The following DIAPH2 variants were observed in gnomAD, a reference collection of about 807,000 sequenced individuals.
The protein encoded by DIAPH2 is diaphanous related formin 2, also known as protein diaphanous homolog 2.
A neutral mutation model predicts 92.7 loss-of-function variants in DIAPH2; 35 were observed. That is an observed-to-expected ratio of 0.38 (90% CI 0.29 to 0.50). DIAPH2 has a LOEUF of 0.50. Ranked by LOEUF, DIAPH2 falls within the 20% of genes least tolerant of loss-of-function variation. DIAPH2 has a pLI of 0.94. For synonymous variants in DIAPH2, 301 were observed against 280.4 expected, an observed-to-expected ratio of 1.07 and a Z score of -0.73; for missense variants, 701 against 819.5, an observed-to-expected ratio of 0.86 and a Z score of 1.77.
In DIAPH2 at chrX:97,154,304, TC is replaced by T. The variant is rs774769482; in HGVS notation, c.2719+12512del. Among the ~76,000 whole-genome samples, 62 of 111,623 alleles carry T rather than the reference TC, an allele frequency of 5.6e-4. No individual in the cohort carries two copies. The South Asian group carries it at 0.022, about 39-fold the overall frequency. On this transcript the variant is annotated intron_variant, in intron 22 of 26. Coordinates refer to ENST00000324765, the MANE Select transcript of DIAPH2 (RefSeq NM_006729.5). Reference sequence around the variant, plus strand: ...AATAAGAGCGAATATTTTTTCTACTTCCGTGTCTCTTGTTCTTTCCACTATA... The same window carrying T: ...AATAAGAGCGAATATTTTTTCTACTTCGTGTCTCTTGTTCTTTCCACTATA...
At chrX:96,996,559 T>G (rs890557876) in intron 17 of DIAPH2, among the ~76,000 whole-genome samples, 1 of 111,801 alleles carries the variant, frequency 8.9e-6, no homozygotes, top group Admixed American at 9.5e-5. Context: ...TCACAATTGT[T>G]AAGAAATTGT....
intron 21 of DIAPH2, among the ~76,000 whole-genome samples, chrX:97,125,471 C>CAAA (rs1159049051): frequency 1.6e-4 from 3 of 19,198 alleles, no homozygotes; most frequent in Non-Finnish European, 3.9e-4. Flanking sequence ...GACTCCGTCT[C>CAAA]AAAAAAAAAA....
intron 22 of DIAPH2, among the ~76,000 whole-genome samples, chrX:97,230,202 A>T (rs1569335817): frequency 8.9e-6 from 1 of 111,876 alleles, no homozygotes; most frequent in Non-Finnish European, 1.9e-5. Context: ...AAATATTGAT[A>T]AGAAATCTTC....
intron 26 of DIAPH2, among the ~76,000 whole-genome samples, chrX:97,460,836 G>A (rs1052157646): frequency 8.9e-6 from 1 of 112,086 alleles, no homozygotes; most frequent in African/African-American, 3.2e-5. Flanking sequence ...GGTTATGATG[G>A]TAAGTAGAAG....
intron 4 of DIAPH2, among the ~76,000 whole-genome samples, chrX:96,789,960 C>T (rs1342199495): frequency 9.0e-6 from 1 of 110,792 alleles, no homozygotes; most frequent in Admixed American, 9.7e-5. Context: ...TAGTGCAGGA[C>T]CTAAGAAAGC....
chrX:97,407,810 A>T, intron 25 of DIAPH2, among the ~76,000 whole-genome samples: 1 of 112,088 alleles, frequency 8.9e-6, no homozygotes, highest in South Asian at 3.7e-4. Flanking sequence ...ATAAAATAGC[A>T]TATGATATAA....
At chrX:97,212,747 T>G (rs2147507150) in intron 22 of DIAPH2, among the ~76,000 whole-genome samples, 1 of 110,732 alleles carries the variant, frequency 9.0e-6, no homozygotes, top group East Asian at 2.8e-4. Flanking sequence ...TTATAACTTC[T>G]TGAGACATTA....
intron 23 of DIAPH2, among the ~76,000 whole-genome samples, chrX:97,313,014 T>G: frequency 9.1e-6 from 1 of 109,434 alleles, no homozygotes; most frequent in East Asian, 2.9e-4. Flanking sequence ...CTGTCTCTAC[T>G]AAAAATATAA....
intron 23 of DIAPH2, among the ~76,000 whole-genome samples, chrX:97,329,243 C>A (rs1475203412): frequency 1.8e-5 from 2 of 112,002 alleles, no homozygotes; most frequent in Non-Finnish European, 3.8e-5. Flanking sequence ...AACAGTCTAA[C>A]ATTTTGGCAC....
intron 21 of DIAPH2, among the ~76,000 whole-genome samples, chrX:97,120,789 G>A (rs2067052425): frequency 9.1e-6 from 1 of 109,355 alleles, no homozygotes; most frequent in Admixed American, 9.8e-5. Flanking sequence ...GCCATTACAT[G>A]GTATTAGTGA....
intron 22 of DIAPH2, among the ~76,000 whole-genome samples, chrX:97,224,968 A>G (rs1405447083): frequency 9.0e-6 from 1 of 111,292 alleles, no homozygotes; most frequent in Non-Finnish European, 1.9e-5. Context: ...AGGATCCTTG[A>G]GTACACCCTG....
At chrX:97,331,674 A>T (rs1027979895) in intron 23 of DIAPH2, among the ~76,000 whole-genome samples, 1 of 112,356 alleles carries the variant, frequency 8.9e-6, no homozygotes, top group Non-Finnish European at 1.9e-5. Flanking sequence ...TTGAAGTATT[A>T]TATTAAAGTA....
chrX:96,802,871 G>T (rs1336011593), intron 4 of DIAPH2, among the ~76,000 whole-genome samples: 1 of 111,845 alleles, frequency 8.9e-6, no homozygotes, highest in Non-Finnish European at 1.9e-5. Context: ...ATGGCTGAAG[G>T]CCTGGGGGCT....
chrX:96,717,285 T>C (rs1484871327), intron 1 of DIAPH2, among the ~76,000 whole-genome samples: 2 of 111,493 alleles, frequency 1.8e-5, no homozygotes, highest in Non-Finnish European at 3.8e-5. Context: ...TCTTCTGTTG[T>C]TGGGTCGAGT....
At chrX:96,818,005 G>A (rs1208577452) in intron 4 of DIAPH2, among the ~76,000 whole-genome samples, 1 of 75,418 alleles carries the variant, frequency 1.3e-5, no homozygotes, top group Admixed American at 1.5e-4. Context: ...TTTTTGAGAC[G>A]GAGTCTCGCT....
At chrX:97,378,703 C>T (rs1602548508) in intron 24 of DIAPH2, among the ~76,000 whole-genome samples, 1 of 111,007 alleles carries the variant, frequency 9.0e-6, no homozygotes, top group East Asian at 2.8e-4. Context: ...AGAGGGAGAC[C>T]CTGACTCTAA....
intron 22 of DIAPH2, among the ~76,000 whole-genome samples, chrX:97,161,448 T>C (rs1463960228): frequency 9.1e-6 from 1 of 110,495 alleles, no homozygotes; most frequent in Non-Finnish European, 1.9e-5. Context: ...TCACCCAGGC[T>C]GGAGTGCAAT....
At chrX:97,209,591 G>T (rs1245591913) in intron 22 of DIAPH2, among the ~76,000 whole-genome samples, 2 of 111,116 alleles carry the variant, frequency 1.8e-5, no homozygotes, top group Non-Finnish European at 3.8e-5. Context: ...AACCCTTTAT[G>T]TAGCTTGAAT....
At chrX:97,208,897 C>G (rs1312136718) in intron 22 of DIAPH2, among the ~76,000 whole-genome samples, 1 of 110,019 alleles carries the variant, frequency 9.1e-6, no homozygotes, top group Non-Finnish European at 1.9e-5. Flanking sequence ...TTTTAAGGTT[C>G]TTTTCCCCAG....
Sources: allele counts gnomAD v4.1 joint callset (sites outside exome capture counted in the v4.1 genomes callset), GRCh38; gene constraint gnomAD v4.1.1; transcripts MANE v1.5; gene names NCBI Gene and HGNC (gene_info 2026-07-23, HGNC 2026-07-21).